Variants in ITPR1 observed in about 807,000 individuals in gnomAD.
The protein encoded by ITPR1 is inositol 1,4,5-trisphosphate receptor type 1.
Under a neutral mutation model 318.4 loss-of-function variants are expected in ITPR1, and 96 were observed. The observed-to-expected ratio is 0.30, with a 90% CI of 0.26 to 0.36. ITPR1 has a LOEUF of 0.36. Ranked by LOEUF, ITPR1 falls within the 10% of genes least tolerant of loss-of-function variation. The probability of loss-of-function intolerance (pLI) is 1.00; values close to 1 mark genes in which losing one functional copy is unlikely to be tolerated. For missense variants in ITPR1, 2,440 were observed against 3,460.2 expected, an observed-to-expected ratio of 0.71 and a Z score of 7.40; for synonymous variants, 1,312 against 1,289.9, an observed-to-expected ratio of 1.02 and a Z score of -0.37.
chr3:4,577,033 G>C (rs1294020726), intron 4 of ITPR1, among the ~76,000 whole-genome samples: 1 of 152,232 alleles, frequency 6.6e-6, no homozygotes, highest in East Asian at 1.9e-4. Context: ...GGAGTTGACA[G>C]TCTAATGAAG....
intron 4 of ITPR1, among the ~76,000 whole-genome samples, chr3:4,556,693 G>A (rs778850071): frequency 6.6e-6 from 1 of 151,946 alleles, no homozygotes; most frequent in Non-Finnish European, 1.5e-5. Context: ...GATATACCAC[G>A]ATTTATATAT....
chr3:4,809,727 G>GA (rs1559935002), intron 55 of ITPR1, among the ~76,000 whole-genome samples: 2 of 151,932 alleles, frequency 1.3e-5, no homozygotes, highest in Non-Finnish European at 2.9e-5. Context: ...GAGTGAAAAG[G>GA]AAAAAATCGC....
chr3:4,718,855 T>G (rs1008158989), intron 40 of ITPR1, among the ~76,000 whole-genome samples: 1 of 152,184 alleles, frequency 6.6e-6, no homozygotes, highest in African/African-American at 2.4e-5. Flanking sequence ...AAAAATCACT[T>G]CTATGCTGAA....
intron 42 of ITPR1, 116 bp from the exon 43 acceptor site, chr3:4,732,972 T>C: frequency 1.0e-6 from 1 of 1,000,376 alleles, no homozygotes; most frequent in Non-Finnish European, 1.5e-6. Context: ...TAATTTATTC[T>C]TTCGCCAAGT....
chr3:4,517,403 G>C (rs915893044), intron 3 of ITPR1, among the ~76,000 whole-genome samples: 1 of 152,174 alleles, frequency 6.6e-6, no homozygotes, highest in Non-Finnish European at 1.5e-5. Flanking sequence ...ATTGGGGGAA[G>C]GAAGACCAGC....
chr3:4,556,789 T>G (rs2086173576), intron 4 of ITPR1, among the ~76,000 whole-genome samples: 1 of 152,210 alleles, frequency 6.6e-6, no homozygotes, highest in Non-Finnish European at 1.5e-5. Context: ...TGTGCAGGTT[T>G]TTGTGTGGAC....
chr3:4,710,083 G>A lies in ITPR1; in HGVS notation c.4843-242G>A, dbSNP rs900873299. Among the ~76,000 whole-genome samples, 21 of 152,218 alleles carry A rather than the reference G, an allele frequency of 1.4e-4. No individual in the cohort carries two copies. The highest frequency in any genetic ancestry group is 5.1e-4 in the African/African-American group (21 of 41,444). On this transcript the variant is annotated intron_variant, in intron 37 of 61. Transcript: ENST00000649015. This position sits in a 1 kb window ranked among gnomAD's most constrained non-coding sequence, Gnocchi z 4.2. ...CAGTGGTACCTTGAGTAGCATAAGG[G>A]CCACCTTGAAAGAAGGGGTGGTGGG...
chr3:4,516,488 A>G lies in ITPR1; in HGVS notation c.-4A>G, dbSNP rs1333051457. The G allele has an allele frequency of 1.3e-6, 2 of 1,549,310 alleles. No individual in the cohort carries two copies. Among genetic ancestry groups the G allele is most frequent in the South Asian group, 2.4e-5 (2 of 82,160 alleles). On this transcript the variant is annotated 5_prime_UTR_variant, in exon 3 of 62. Transcript: ENST00000649015. ...TTACTTTGTCTAGGATTTTCAAGAA[A>G]GACATGTCTGACAAAATGTCTAGCT...
chr3:4,564,579 TG>T (rs2087024810), intron 4 of ITPR1, among the ~76,000 whole-genome samples: 1 of 152,180 alleles, frequency 6.6e-6, no homozygotes, highest in Admixed American at 6.5e-5. Flanking sequence ...TGTTAGGAGC[TG>T]GGTACTTTGA....
At chr3:4,806,294 A>C in intron 55 of ITPR1, 27 bp downstream of exon 55, 2 of 1,604,174 alleles carry the variant, frequency 1.2e-6, no homozygotes, top group Non-Finnish European at 1.7e-6. Context: ...GAAATATTTT[A>C]TGTGTGGGGA....
Position 4,653,829 on chromosome 3 carries a change from T to A in ITPR1, c.952-13T>A, listed in dbSNP as rs2125174499. The A allele has an allele frequency of 6.2e-7, 1 of 1,601,370 alleles. No individual in the cohort carries two copies. Among genetic ancestry groups the A allele is most frequent in the Non-Finnish European group, 8.5e-7 (1 of 1,171,060 alleles). On this transcript the variant is annotated splice_polypyrimidine_tract_variant and intron_variant, in intron 11 of 61. Coordinates refer to ENST00000649015, the MANE Select transcript of ITPR1 (RefSeq NM_001378452.1). The stretch of plus-strand genomic sequence containing the variant: ...ATGGATGTTTTAATTTCCTAATGAT[T>A]CTTTTTCATCAGGTAGACCCTGACT...
In ITPR1 at chr3:4,779,879, C is replaced by A. The variant is rs908830261; in HGVS notation, c.6387+234C>A. On this transcript the variant is annotated intron_variant, in intron 49 of 61. Transcript: ENST00000649015. The surrounding 1 kb of genome is among the most constrained non-coding windows in gnomAD (Gnocchi z 4.0). The stretch of plus-strand genomic sequence containing the variant: ...ATGGCAAAACCACTATTACTTTTGC[C>A]GTTGAAAGTAATGGCAAAAACCGCG... Among the ~76,000 whole-genome samples the A allele has an allele frequency of 5.4e-5, 8 of 146,928 alleles. No homozygotes were observed. Among genetic ancestry groups the A allele is most frequent in the Non-Finnish European group, 1.5e-5 (1 of 66,780 alleles).
chr3:4,739,163 G>A (rs2043516448), intron 44 of ITPR1, among the ~76,000 whole-genome samples: 1 of 152,232 alleles, frequency 6.6e-6, no homozygotes, highest in Admixed American at 6.5e-5. Context: ...TCGTCTTGCT[G>A]TTGAGAAGTT....
chr3:4,661,671 T>A (rs1468089851), intron 14 of ITPR1, among the ~76,000 whole-genome samples: 1 of 152,236 alleles, frequency 6.6e-6, no homozygotes, highest in Non-Finnish European at 1.5e-5. Flanking sequence ...ACTTCTTTAC[T>A]GAACATTTTT....
At chr3:4,750,798 T>C (rs186852629) in intron 44 of ITPR1, 244 of 152,614 alleles carry the variant, frequency 1.6e-3, no homozygotes, top group East Asian at 1.2e-3. Flanking sequence ...TCATGATTCT[T>C]GGAGCTGTCT....
chr3:4,781,699 G>A (rs1013736933), intron 49 of ITPR1, among the ~76,000 whole-genome samples: 1 of 152,186 alleles, frequency 6.6e-6, no homozygotes, highest in South Asian at 2.1e-4. Flanking sequence ...AAATAAATAA[G>A]GAAACAGGTG....
At chr3:4,643,095 G>C (rs1267003740) in intron 7 of ITPR1, among the ~76,000 whole-genome samples, 1 of 152,212 alleles carries the variant, frequency 6.6e-6, no homozygotes, top group Non-Finnish European at 1.5e-5. Flanking sequence ...GATAGGGAAT[G>C]TACCAGAAAC....
intron 11 of ITPR1, 59 bp from the exon 12 acceptor site, chr3:4,653,783 G>C: frequency 7.8e-7 from 1 of 1,279,718 alleles, no homozygotes; most frequent in Non-Finnish European, 1.1e-6. Flanking sequence ...CTGCAAGTGG[G>C]GCCCAGTCCT....
chr3:4,525,237 C>T (rs2082886168), intron 4 of ITPR1, among the ~76,000 whole-genome samples: 1 of 152,158 alleles, frequency 6.6e-6, no homozygotes, highest in Non-Finnish European at 1.5e-5. Context: ...GAGTTAGGGT[C>T]AAACAATTCC....
Sources: allele counts gnomAD v4.1 joint callset (sites outside exome capture counted in the v4.1 genomes callset), GRCh38; gene constraint gnomAD v4.1.1; non-coding constraint Gnocchi (gnomAD v3.1); transcripts MANE v1.5; gene names NCBI Gene and HGNC (gene_info 2026-07-23, HGNC 2026-07-21).